The following ARHGAP26 variants were observed in gnomAD, a reference collection of about 807,000 sequenced individuals.
The protein encoded by ARHGAP26 is Rho GTPase activating protein 26, also known as rho GTPase-activating protein 26.
In ARHGAP26, 38 loss-of-function variants were observed where a neutral mutation model predicts 104.8. The ratio of observed to expected loss-of-function variants is 0.36; its 90% CI spans 0.28 to 0.48. The LOEUF (loss-of-function observed/expected upper bound fraction) is 0.48. ARHGAP26 is among the 20% of genes least tolerant of loss of function. ARHGAP26 has a pLI of 0.99. For synonymous variants in ARHGAP26, 341 were observed against 340.0 expected (o/e 1.00, Z -0.03); for missense variants, 704 against 947.9 (o/e 0.74, Z 3.38).
intron 11 of ARHGAP26, among the ~76,000 whole-genome samples, chr5:142,935,518 G>T (rs1356783442): frequency 6.6e-6 from 1 of 152,156 alleles, no homozygotes; most frequent in Non-Finnish European, 1.5e-5. Flanking sequence ...GCTTGATTTG[G>T]GTCATGGGCC....
chr5:142,894,736 TGTA>T (rs992456057), intron 6 of ARHGAP26, among the ~76,000 whole-genome samples: 5 of 152,214 alleles, frequency 3.3e-5, no homozygotes, highest in African/African-American at 4.8e-5. Flanking sequence ...ATAATTCAGA[TGTA>T]GTAGTCACCC....
intron 20 of ARHGAP26, among the ~76,000 whole-genome samples, chr5:143,180,800 A>G (rs2151187852): frequency 6.6e-6 from 1 of 152,266 alleles, no homozygotes; most frequent in African/African-American, 2.4e-5. Context: ...TGAGATTTAG[A>G]TGAGGACGCA....
At chr5:142,842,734 C>A (rs1771060717) in intron 1 of ARHGAP26, among the ~76,000 whole-genome samples, 1 of 152,196 alleles carries the variant, frequency 6.6e-6, no homozygotes, top group South Asian at 2.1e-4. Flanking sequence ...TTTGTAAAAT[C>A]AGAATGGAAA....
At chr5:143,053,459 A>G (rs1785323651) in intron 14 of ARHGAP26, among the ~76,000 whole-genome samples, 1 of 152,142 alleles carries the variant, frequency 6.6e-6, no homozygotes, top group Non-Finnish European at 1.5e-5. Flanking sequence ...TGACCCTCCC[A>G]CCAGTATGTG....
chr5:143,075,328 A>T (rs1241047999), intron 17 of ARHGAP26, among the ~76,000 whole-genome samples: 2 of 149,938 alleles, frequency 1.3e-5, no homozygotes, highest in African/African-American at 4.9e-5. Context: ...TATAAATATA[A>T]TTTTATTAAA....
chr5:142,923,140 T>C (rs1763428528), intron 10 of ARHGAP26, among the ~76,000 whole-genome samples: 1 of 152,176 alleles, frequency 6.6e-6, no homozygotes, highest in Non-Finnish European at 1.5e-5. Flanking sequence ...TGTTTGATTC[T>C]GGTTTAACAA....
intron 11 of ARHGAP26, among the ~76,000 whole-genome samples, chr5:142,987,508 C>T (rs578130290): frequency 6.6e-6 from 1 of 150,482 alleles, no homozygotes; most frequent in Non-Finnish European, 1.5e-5. Context: ...GCCTGATTGC[C>T]CTGGCCAGAA....
At chr5:142,999,572 C>G (rs1346012951) in intron 11 of ARHGAP26, among the ~76,000 whole-genome samples, 2 of 151,876 alleles carry the variant, frequency 1.3e-5, no homozygotes, top group Non-Finnish European at 2.9e-5. Context: ...ACTAGGCTAA[C>G]TAGGGGGATT....
intron 5 of ARHGAP26, among the ~76,000 whole-genome samples, chr5:142,891,739 A>G (rs1758693642): frequency 1.3e-5 from 2 of 152,002 alleles, no homozygotes; most frequent in Admixed American, 1.3e-4. Flanking sequence ...AAAGGGTGTT[A>G]TAGAACGGTT....
intron 11 of ARHGAP26, among the ~76,000 whole-genome samples, chr5:142,962,327 C>A (rs924920912): frequency 6.6e-6 from 1 of 152,120 alleles, no homozygotes; most frequent in Non-Finnish European, 1.5e-5. Flanking sequence ...CAGGAGCTGT[C>A]TTGAGTAAGC....
intron 17 of ARHGAP26, among the ~76,000 whole-genome samples, chr5:143,090,156 G>T (rs1338344518): frequency 6.6e-6 from 1 of 152,244 alleles, no homozygotes; most frequent in East Asian, 1.9e-4. Context: ...GGGCTGACCC[G>T]CAGGGTGCCG....
chr5:143,105,683 G>T (rs1310943621), intron 17 of ARHGAP26, among the ~76,000 whole-genome samples: 1 of 152,136 alleles, frequency 6.6e-6, no homozygotes, highest in Non-Finnish European at 1.5e-5. Context: ...TGGCGGGAGT[G>T]GCATCTGTCT....
chr5:142,806,250 G>T (rs937794868), intron 1 of ARHGAP26, among the ~76,000 whole-genome samples: 1 of 152,106 alleles, frequency 6.6e-6, no homozygotes, highest in African/African-American at 2.4e-5. Context: ...GTGCCACCAG[G>T]CCCATGTATT....
intron 11 of ARHGAP26, among the ~76,000 whole-genome samples, chr5:142,974,552 A>G (rs1225769624): frequency 6.6e-6 from 1 of 152,180 alleles, no homozygotes; most frequent in Non-Finnish European, 1.5e-5. Flanking sequence ...AATGTTTACA[A>G]CGTGTTTTTT....
chr5:143,217,294 C>T (rs1810480112), intron 22 of ARHGAP26, among the ~76,000 whole-genome samples: 1 of 152,166 alleles, frequency 6.6e-6, no homozygotes. Context: ...CTGCTGTCAG[C>T]TCATGGGCTT....
intron 20 of ARHGAP26, among the ~76,000 whole-genome samples, chr5:143,200,263 A>G (rs190096910): frequency 6.6e-6 from 1 of 152,322 alleles, no homozygotes; most frequent in African/African-American, 2.4e-5. Context: ...CTGGAAAGCT[A>G]TTTGGCACGG....
intron 1 of ARHGAP26, among the ~76,000 whole-genome samples, chr5:142,811,654 GA>G (rs1205519257): frequency 6.6e-6 from 1 of 152,006 alleles, no homozygotes; most frequent in African/African-American, 2.4e-5. Flanking sequence ...CTCTTAAATG[GA>G]AGTAATAATA....
intron 17 of ARHGAP26, among the ~76,000 whole-genome samples, chr5:143,088,377 A>G (rs1790905175): frequency 6.6e-6 from 1 of 152,160 alleles, no homozygotes; most frequent in Non-Finnish European, 1.5e-5. Context: ...AGGTGAGTAG[A>G]TGATGGTTGT....
At chr5:142,899,302 T>C (rs1166248461) in intron 6 of ARHGAP26, among the ~76,000 whole-genome samples, 2 of 152,212 alleles carry the variant, frequency 1.3e-5, no homozygotes, top group Admixed American at 6.5e-5. Flanking sequence ...AGTAGGTCTG[T>C]TCTATGAATG....
Sources: allele counts gnomAD v4.1 joint callset (sites outside exome capture counted in the v4.1 genomes callset), GRCh38; gene constraint gnomAD v4.1.1; transcripts MANE v1.5; gene names NCBI Gene and HGNC (gene_info 2026-07-23, HGNC 2026-07-21).